The following TASOR2 variants were observed in gnomAD, a reference collection of about 807,000 sequenced individuals.
TASOR2 encodes transcription activation suppressor family member 2.
Under a neutral mutation model 199.5 loss-of-function variants are expected in TASOR2, and 84 were observed. The observed-to-expected ratio is 0.42, with a 90% CI of 0.35 to 0.50. TASOR2 has a LOEUF of 0.50. Among genes scored for constraint, TASOR2 ranks in the 20% least tolerant of loss-of-function variants. The pLI is 0.02. For synonymous variants in TASOR2, 1,103 were observed against 1,046.6 expected (o/e 1.05, Z -1.04); for missense variants, 2,796 against 2,835.9 (o/e 0.99, Z 0.32).
exon 15 of TASOR2, chr10:5,747,506 A>T (rs758333770): frequency 2.4e-5 from 38 of 1,614,086 alleles, no homozygotes; most frequent in Non-Finnish European, 3.0e-5. Flanking sequence ...AGAAAGGGGG[A>T]TAATTTACAA....
intron 1 of TASOR2, among the ~76,000 whole-genome samples, chr10:5,697,015 A>C (rs1258829593): frequency 6.6e-6 from 1 of 152,222 alleles, no homozygotes; most frequent in Admixed American, 6.5e-5. Context: ...TTAGAGGGCC[A>C]ACCAAGGAGG....
chr10:5,755,174 A>G (rs1838746481), intron 15 of TASOR2, among the ~76,000 whole-genome samples: 1 of 152,120 alleles, frequency 6.6e-6, no homozygotes, highest in African/African-American at 2.4e-5. Flanking sequence ...CTAGAGATTT[A>G]TGCCTAGATA....
chr10:5,708,706 C>G (rs1398375055), intron 1 of TASOR2, among the ~76,000 whole-genome samples: 2 of 132,338 alleles, frequency 1.5e-5, no homozygotes, highest in Non-Finnish European at 3.1e-5. Context: ...TTCCTTTCCT[C>G]TCTTTCTCTC....
intron 1 of TASOR2, among the ~76,000 whole-genome samples, chr10:5,702,463 A>C (rs1476712575): frequency 7.2e-5 from 11 of 152,100 alleles, no homozygotes; most frequent in African/African-American, 1.2e-4. Context: ...ACCTTGTAGA[A>C]TGAGTTTGGA....
Position 5,689,648 on chromosome 10 carries a change from C to T in TASOR2, c.-288+4473C>T, listed in dbSNP as rs1836206480. Among the ~76,000 whole-genome samples the T allele has an allele frequency of 6.6e-6, 1 of 152,172 alleles. No homozygotes were observed. The highest frequency in any genetic ancestry group is 1.5e-5 in the Non-Finnish European group (1 of 68,032). On this transcript the variant is annotated intron_variant, in intron 1 of 20. Coordinates refer to ENST00000328090, the Ensembl canonical transcript of TASOR2. This position sits in a 1 kb window ranked among gnomAD's most constrained non-coding sequence, Gnocchi z 4.1. ...TATGTATCTTGCTTGGGATTGTCTT[C>T]TTAAATCTGTAAATTGGAGATGTTT...
chr10:5,749,267 G>C, exon 15 of TASOR2: 2 of 1,614,228 alleles, frequency 1.2e-6, no homozygotes, highest in Non-Finnish European at 1.7e-6. Context: ...AGGCACCCGA[G>C]TTTCAGTGCA....
At position 5,740,336 on chromosome 10, in the gene TASOR2, A is replaced by G. The variant is rs746932607; in HGVS notation, c.2166A>G (p.Pro722=). 150 of 1,614,078 alleles carry G rather than the reference A, an allele frequency of 9.3e-5. No individual in the cohort carries two copies. Among genetic ancestry groups the G allele is most frequent in the Non-Finnish European group, 1.2e-4 (144 of 1,180,040 alleles). ...CCGTGGTGAAGCCCAAGGATCGACC[A>G]CCGTCTGCCCGTGTGAAAAAATCTT... Residue 722 remains proline, a synonymous_variant, in exon 13 of 21, where the codon CCA becomes CCG. Transcript: ENST00000328090. The surrounding 1 kb of genome is among the most constrained non-coding windows in gnomAD (Gnocchi z 5.3).
At chr10:5,761,536 T>TA (rs1839835575) in intron 19 of TASOR2, 65 bp downstream of exon 20, 1 of 1,406,882 alleles carries the variant, frequency 7.1e-7, no homozygotes, top group East Asian at 2.3e-5. Flanking sequence ...ATGTCAAAGT[T>TA]AGATACCTGA....
chr10:5,691,562 A>G (rs974208736), intron 1 of TASOR2, among the ~76,000 whole-genome samples: 14 of 152,224 alleles, frequency 9.2e-5, no homozygotes, highest in African/African-American at 3.1e-4. Flanking sequence ...TTGTTAATCT[A>G]CATAATTGTT....
At position 5,748,637 on chromosome 10, in the gene TASOR2, G is replaced by T; in HGVS notation, c.5216G>T (p.Cys1739Phe). The T allele has an allele frequency of 6.2e-7, 1 of 1,614,226 alleles. No homozygotes were observed. Among genetic ancestry groups the T allele is most frequent in the Non-Finnish European group, 8.5e-7 (1 of 1,180,042 alleles). Residue 1739 changes from cysteine (C) to phenylalanine (F), a missense_variant, in exon 15 of 21, where the codon TGT (cysteine) becomes TTT (phenylalanine). Physicochemically the swap from Cys to Phe is radical, Grantham distance 205. This residue lies in a region of TASOR2 where 1,941 missense variants were observed against 1,924.9 expected (regional missense o/e 1.01). Coordinates refer to ENST00000328090, the Ensembl canonical transcript of TASOR2. This position sits in a 1 kb window ranked among gnomAD's most constrained non-coding sequence, Gnocchi z 5.1. ...CACACGCTGCAAGATGTGTCAACAT[G>T]TGAAACAAAGGAGCTATTGAATGTC...
chr10:5,749,931 C>A, exon 15 of TASOR2: 1 of 1,614,152 alleles, frequency 6.2e-7, no homozygotes, highest in South Asian at 1.1e-5. Flanking sequence ...CCAATTTGCA[C>A]GTCAAACTAA....
chr10:5,695,318 C>T lies in TASOR2; in HGVS notation c.-288+10143C>T, dbSNP rs1837015100. On this transcript the variant is annotated intron_variant, in intron 1 of 20. Transcript: ENST00000328090. Reference sequence around the variant, plus strand: ...TACACATATGTAATTATAAATCATGCAAGAAAAGGACAGGATGCTTTGAGA... The same window carrying T: ...TACACATATGTAATTATAAATCATGTAAGAAAAGGACAGGATGCTTTGAGA... Among the ~76,000 whole-genome samples, 3 of 152,224 alleles carry T rather than the reference C, an allele frequency of 2.0e-5. No homozygotes were observed. The South Asian group carries it at 6.2e-4, about 32-fold the overall frequency.
intron 1 of TASOR2, among the ~76,000 whole-genome samples, chr10:5,688,484 T>G (rs1836050903): frequency 7.2e-6 from 1 of 138,240 alleles, no homozygotes; most frequent in African/African-American, 2.8e-5. Context: ...GCAGTCCCCC[T>G]GCCTCGCCTC....
chr10:5,745,339 A>C (rs1452014643), intron 14 of TASOR2, among the ~76,000 whole-genome samples: 1 of 152,210 alleles, frequency 6.6e-6, no homozygotes, highest in Admixed American at 6.5e-5. Flanking sequence ...CTAAGGGATG[A>C]GGGGCCTTTG....
intron 1 of TASOR2, among the ~76,000 whole-genome samples, chr10:5,694,763 G>A (rs988792808): frequency 3.9e-5 from 6 of 152,164 alleles, no homozygotes; most frequent in African/African-American, 9.7e-5. Flanking sequence ...TCTGGTGAAC[G>A]TTATATAGTA....
rs1814076042 is a variant in TASOR2 at position 5,737,572 on chromosome 10, A to G, written c.1447+2026A>G. ...CAACCTCTGCCCTTCAGGGGCCTGCAGCTAGATTTATCCCCACAGGGAGGC... is the reference window on the plus strand; with the variant it reads ...CAACCTCTGCCCTTCAGGGGCCTGCGGCTAGATTTATCCCCACAGGGAGGC... On this transcript the variant is annotated intron_variant, in intron 12 of 20. Transcript: ENST00000328090. The surrounding 1 kb of genome is among the most constrained non-coding windows in gnomAD (Gnocchi z 4.9). Among the ~76,000 whole-genome samples the G allele has an allele frequency of 6.6e-6, 1 of 152,050 alleles. No homozygotes were observed.
chr10:5,750,088 T>C lies in TASOR2; in HGVS notation c.6606+61T>C. On this transcript the variant is annotated intron_variant, in intron 15 of 20. Transcript: ENST00000328090. The surrounding 1 kb of genome is among the most constrained non-coding windows in gnomAD (Gnocchi z 5.4). ...TTGCTGATTTTAGTTTTAGAAATAA[T>C]AAATTTAGCATATTAGCCATCAAAA... 6.7e-7 allele frequency: 1 copy of C among 1,492,102 alleles called. No homozygotes were observed. Among genetic ancestry groups the C allele is most frequent in the Non-Finnish European group, 8.9e-7 (1 of 1,120,928 alleles). The allele number at this position is 1,492,102 out of a possible 1,614,324, so 92.4% of individuals were successfully genotyped here.
At chr10:5,702,219 C>G (rs1441922940) in intron 1 of TASOR2, among the ~76,000 whole-genome samples, 1 of 152,114 alleles carries the variant, frequency 6.6e-6, no homozygotes, top group African/African-American at 2.4e-5. Flanking sequence ...TTGAAGTAAT[C>G]ATGGTTTTTG....
chr10:5,763,004 CTTTATCAAT>C lies in TASOR2; in HGVS notation c.7290-21_7290-13del. 1.2e-6 allele frequency: 2 copies of C among 1,608,504 alleles called. No homozygotes were observed. Among genetic ancestry groups the C allele is most frequent in the Non-Finnish European group, 8.5e-7 (1 of 1,176,672 alleles). On this transcript the variant is annotated splice_polypyrimidine_tract_variant and intron_variant, in intron 20 of 20. Coordinates refer to ENST00000328090, the Ensembl canonical transcript of TASOR2. ...CTTGTTCGTATTATTTTAAGAAGTT[CTTTATCAAT>C]TTTGTGTTTCTTCAGGTGACTCAAC...
Sources: allele counts gnomAD v4.1 joint callset (sites outside exome capture counted in the v4.1 genomes callset), GRCh38; gene constraint gnomAD v4.1.1; regional missense constraint gnomAD v4.1.1; non-coding constraint Gnocchi (gnomAD v3.1); transcripts MANE v1.5; gene names NCBI Gene and HGNC (gene_info 2026-07-23, HGNC 2026-07-21).